DNAH7: variants seen among roughly 807,000 people sequenced by gnomAD.
The protein encoded by DNAH7 is dynein axonemal heavy chain 7.
DNAH7 carries 397 observed loss-of-function variants against 444.6 expected under a neutral mutation model. The ratio of observed to expected loss-of-function variants is 0.89; its 90% CI spans 0.82 to 0.97. The LOEUF is 0.97. Ranked by LOEUF, DNAH7 falls within the 50% of genes least tolerant of loss-of-function variation. The probability of loss-of-function intolerance (pLI) is 0.00; values close to 1 mark genes in which losing one functional copy is unlikely to be tolerated. For missense variants in DNAH7, 4,902 were observed against 4,800.8 expected, an observed-to-expected ratio of 1.02 and a Z score of -0.62; for synonymous variants, 1,636 against 1,624.4, an observed-to-expected ratio of 1.01 and a Z score of -0.17.
chr2:195,923,248 AT>A (rs139290510), intron 23 of DNAH7, among the ~76,000 whole-genome samples: 179 of 152,266 alleles, frequency 1.2e-3, no homozygotes, highest in African/African-American at 4.0e-3. Context: ...TAAAAACACA[AT>A]TTTAAACTGA....
At chr2:195,861,087 C>T (rs1699989254) in intron 42 of DNAH7, among the ~76,000 whole-genome samples, 1 of 152,042 alleles carries the variant, frequency 6.6e-6, no homozygotes, top group Non-Finnish European at 1.5e-5. Context: ...TGGAGCCACA[C>T]ATTAATCCAA....
At chr2:196,024,395 T>A in intron 8 of DNAH7, 34 bp downstream of exon 8, 1 of 1,436,588 alleles carries the variant, frequency 7.0e-7, no homozygotes, top group Non-Finnish European at 9.4e-7. Context: ...AATGGTCACA[T>A]AATCAACATT....
At chr2:195,807,672 T>C (rs1696775903) in intron 53 of DNAH7, among the ~76,000 whole-genome samples, 2 of 152,118 alleles carry the variant, frequency 1.3e-5, no homozygotes, top group South Asian at 4.2e-4. Context: ...AAGAGAGCCA[T>C]CAGGGTACCA....
At chr2:195,926,335 GTATT>G in intron 22 of DNAH7, 87 bp downstream of exon 22, 1 of 1,149,618 alleles carries the variant, frequency 8.7e-7, no homozygotes, top group Non-Finnish European at 1.1e-6. Flanking sequence ...TAAGTGAACT[GTATT>G]TATTTTAGTT....
chr2:195,845,394 A>G (rs956266523), intron 46 of DNAH7, among the ~76,000 whole-genome samples: 2 of 152,218 alleles, frequency 1.3e-5, no homozygotes, highest in Admixed American at 6.5e-5. Flanking sequence ...TAGATTAAGC[A>G]CTTAAGTCAG....
At chr2:196,039,535 C>T (rs910899965) in intron 5 of DNAH7, among the ~76,000 whole-genome samples, 2 of 152,030 alleles carry the variant, frequency 1.3e-5, no homozygotes, top group Non-Finnish European at 2.9e-5. Context: ...CAGTGGTTCA[C>T]GCCTGTAATC....
chr2:195,863,902 A>G (rs1238295691), intron 41 of DNAH7, among the ~76,000 whole-genome samples: 1 of 151,964 alleles, frequency 6.6e-6, no homozygotes, highest in East Asian at 1.9e-4. Context: ...TCCTGTCAGG[A>G]CTCTGATACA....
At chr2:196,032,946 T>A (rs1257999080) in intron 5 of DNAH7, among the ~76,000 whole-genome samples, 1 of 152,160 alleles carries the variant, frequency 6.6e-6, no homozygotes, top group East Asian at 1.9e-4. Context: ...AAGGTTGCAC[T>A]AATATATAAA....
intron 2 of DNAH7, among the ~76,000 whole-genome samples, chr2:196,053,982 C>T (rs572262131): frequency 6.6e-6 from 1 of 152,278 alleles, no homozygotes; most frequent in South Asian, 2.1e-4. Flanking sequence ...TGCAGCGCTA[C>T]CTGACCCTCG....
chr2:195,971,522 C>T (rs1574917502), intron 16 of DNAH7, among the ~76,000 whole-genome samples: 1 of 152,240 alleles, frequency 6.6e-6, no homozygotes, highest in South Asian at 2.1e-4. Context: ...ACAAGTAGCA[C>T]TGAGGTCTGC....
intron 10 of DNAH7, among the ~76,000 whole-genome samples, chr2:196,002,545 C>CT (rs1694104065): frequency 1.3e-5 from 2 of 152,122 alleles, no homozygotes; most frequent in African/African-American, 4.8e-5. Flanking sequence ...ATACTGTTAT[C>CT]TTTTTTTATA....
intron 63 of DNAH7, among the ~76,000 whole-genome samples, chr2:195,751,773 G>T (rs1340693379): frequency 6.6e-6 from 1 of 152,134 alleles, no homozygotes; most frequent in African/African-American, 2.4e-5. Context: ...TGGCCTCATT[G>T]TCACCATAAG....
Position 195,799,276 on chromosome 2 carries a change from C to A in DNAH7, c.10353+20G>T, listed in dbSNP as rs1164317859. The A allele has an allele frequency of 4.8e-6, 7 of 1,450,636 alleles. No homozygotes were observed. The highest frequency in any genetic ancestry group is 2.4e-5 in the Admixed American group (1 of 41,326). The allele number at this position is 1,450,636 out of a possible 1,614,324, so 89.9% of individuals were successfully genotyped here. A position where few individuals can be genotyped will look rare whatever the true frequency, so the allele number is the denominator to read the frequency against. On this transcript the variant is annotated intron_variant, in intron 55 of 64. Coordinates refer to ENST00000312428, the MANE Select transcript of DNAH7 (RefSeq NM_018897.3). ...GCTTTTTTAAAATAATATCCGATAA[C>A]TTCATCTATTGTAAGGTACCTGGTC...
At chr2:195,860,239 CT>C (rs947140480) in intron 42 of DNAH7, among the ~76,000 whole-genome samples, 1 of 151,580 alleles carries the variant, frequency 6.6e-6, no homozygotes, top group East Asian at 1.9e-4. Context: ...TTTTATAATC[CT>C]TTTTTTTGTT....
In DNAH7 at chr2:195,771,817, T is replaced by C; in HGVS notation, c.11276A>G (p.Lys3759Arg). ...CTCGATGTCGAAGTTGTTTGGAAGT[T>C]TGCCCAAGATGTCACTAGCGACCTC... ...VNEVASDILG[K>R]LPNNFDIEAA... Residue 3759 changes from lysine to arginine, a missense_variant, in exon 61 of 65, where the codon AAA (lysine) becomes AGA (arginine). Physicochemically the swap from Lys to Arg is conservative, Grantham distance 26 (BLOSUM62 2). Coordinates refer to ENST00000312428, the MANE Select transcript of DNAH7 (RefSeq NM_018897.3). The C allele has an allele frequency of 6.2e-7, 1 of 1,614,198 alleles. No homozygotes were observed. Among genetic ancestry groups the C allele is most frequent in the African/African-American group, 1.3e-5 (1 of 75,062 alleles).
intron 5 of DNAH7, among the ~76,000 whole-genome samples, chr2:196,029,290 G>T (rs944426452): frequency 6.6e-6 from 1 of 151,890 alleles, no homozygotes; most frequent in Admixed American, 6.6e-5. Flanking sequence ...TGGCAGAAAT[G>T]CTCATCCTAC....
rs147618019 is a variant in DNAH7, at chr2:195,899,792, A to G, written c.4548+490T>C. On this transcript the variant is annotated intron_variant, in intron 28 of 64. Coordinates refer to ENST00000312428, the MANE Select transcript of DNAH7 (RefSeq NM_018897.3). ...ACAATATACTCTCAATGAAAAGTCA[A>G]CCAAAGCTTAAAGTATTTGGGCTTT... 5.3e-5 allele frequency among the ~76,000 whole-genome samples: 8 copies of G among 152,300 alleles called. No individual in the cohort carries two copies. In the East Asian group the frequency reaches 1.5e-3, roughly 29 times the overall value.
intron 54 of DNAH7, 31 bp downstream of exon 54, chr2:195,806,709 T>A (rs760890471): frequency 1.3e-6 from 2 of 1,581,282 alleles, no homozygotes; most frequent in African/African-American, 1.3e-5. Flanking sequence ...GGCTTTGGAA[T>A]CATTGAGCTG....
At position 195,891,681 on chromosome 2, in the gene DNAH7, T is replaced by C. The variant is rs766764634; in HGVS notation, c.5020A>G (p.Ser1674Gly). 2.1e-5 allele frequency: 33 copies of C among 1,594,612 alleles called. No homozygotes were observed. The Admixed American group carries it at 5.8e-4, about 28-fold the overall frequency. The change falls in exon 31 of 65, where the codon AGT (serine) becomes GGT (glycine). Residue 1674 changes from serine (S) to glycine (G), a missense_variant. Ser to Gly is a moderately conservative substitution (Grantham distance 56, BLOSUM62 0). Transcript: ENST00000312428. Reference protein sequence around the residue: ...HEWSDGVLAVSFRAFASSVTP... With the variant: ...HEWSDGVLAVGFRAFASSVTP... ...ACTGAAGAGGCAAATGCTCTAAAAC[T>C]GACAGCAAGGACCCCATCAGACCAT...
Sources: allele counts gnomAD v4.1 joint callset (sites outside exome capture counted in the v4.1 genomes callset), GRCh38; gene constraint gnomAD v4.1.1; transcripts MANE v1.5; gene names NCBI Gene and HGNC (gene_info 2026-07-23, HGNC 2026-07-21).